The following FHIT variants were observed in gnomAD, a reference collection of about 807,000 sequenced individuals.
FHIT encodes bis(5'-adenosyl)-triphosphatase.
Under a neutral mutation model 17.9 loss-of-function variants are expected in FHIT, and 19 were observed. That is an observed-to-expected ratio of 1.06 (90% confidence interval 0.74 to 1.56). The LOEUF (loss-of-function observed/expected upper bound fraction) is 1.56. Among genes scored for constraint, FHIT ranks in the 40% most tolerant of loss-of-function variants. The pLI, the probability that FHIT is intolerant of heterozygous loss-of-function variation, is 0.00. For missense variants in FHIT, 248 were observed against 189.2 expected (o/e 1.31, Z -1.82); for synonymous variants, 81 against 69.7 (o/e 1.16, Z -0.81).
At chr3:60,406,044 A>G (rs544461494) in intron 5 of FHIT, among the ~76,000 whole-genome samples, 4 of 152,346 alleles carry the variant, frequency 2.6e-5, no homozygotes, top group African/African-American at 9.6e-5. Flanking sequence ...AGATATTTGT[A>G]GTAATCATTA....
At chr3:61,071,029 C>T (rs1264929027) in intron 2 of FHIT, among the ~76,000 whole-genome samples, 1 of 152,078 alleles carries the variant, frequency 6.6e-6, no homozygotes, top group African/African-American at 2.4e-5. Flanking sequence ...GATACAAAGT[C>T]AAATATGATT....
intron 8 of FHIT, among the ~76,000 whole-genome samples, chr3:59,889,494 C>T (rs1051134928): frequency 6.6e-6 from 1 of 152,138 alleles, no homozygotes; most frequent in Non-Finnish European, 1.5e-5. Flanking sequence ...AAGGTGAGAC[C>T]CTTAGCATGG....
At chr3:59,953,633 A>G (rs1179166838) in intron 7 of FHIT, among the ~76,000 whole-genome samples, 1 of 152,182 alleles carries the variant, frequency 6.6e-6, no homozygotes, top group East Asian at 1.9e-4. Context: ...TGCCATAGAT[A>G]AATTAAGTAC....
At chr3:61,019,828 A>C (rs1018743899) in intron 3 of FHIT, among the ~76,000 whole-genome samples, 25 of 152,130 alleles carry the variant, frequency 1.6e-4, no homozygotes, top group African/African-American at 4.6e-4. Context: ...TGGTAAAAGG[A>C]ATGTCAAGGT....
intron 5 of FHIT, among the ~76,000 whole-genome samples, chr3:60,457,069 G>A (rs1300000998): frequency 6.6e-6 from 1 of 152,074 alleles, no homozygotes; most frequent in African/African-American, 2.4e-5. Context: ...TCACAGAATT[G>A]GAAAAAACTA....
chr3:59,791,539 G>A (rs539569742), intron 8 of FHIT, among the ~76,000 whole-genome samples: 15 of 152,180 alleles, frequency 9.9e-5, no homozygotes, highest in African/African-American at 2.9e-4. Flanking sequence ...TAATAAACTC[G>A]TTCTCATTCT....
At chr3:60,290,458 C>T (rs565222106) in intron 5 of FHIT, among the ~76,000 whole-genome samples, 14 of 152,084 alleles carry the variant, frequency 9.2e-5, no homozygotes, top group Non-Finnish European at 1.9e-4. Context: ...TATGGAGAGC[C>T]TCATGTGGCA....
intron 5 of FHIT, among the ~76,000 whole-genome samples, chr3:60,174,559 T>C (rs1342155830): frequency 1.3e-5 from 2 of 151,986 alleles, no homozygotes; most frequent in Non-Finnish European, 2.9e-5. Context: ...AGAGAGAAAA[T>C]ATAATTTGGC....
intron 7 of FHIT, among the ~76,000 whole-genome samples, chr3:60,005,575 G>GT (rs1699893847): frequency 6.6e-6 from 1 of 152,184 alleles, no homozygotes; most frequent in Non-Finnish European, 1.5e-5. Flanking sequence ...GAGCACTGCA[G>GT]TTGTCTTTGG....
chr3:60,672,159 T>C (rs1328669131), intron 4 of FHIT, among the ~76,000 whole-genome samples: 6 of 152,226 alleles, frequency 3.9e-5, no homozygotes, highest in Admixed American at 1.3e-4. Flanking sequence ...AAAGTGCATA[T>C]GTTGTAGTCA....
At chr3:59,812,082 TTTGA>T (rs1346688946) in intron 8 of FHIT, among the ~76,000 whole-genome samples, 1 of 152,114 alleles carries the variant, frequency 6.6e-6, no homozygotes. Flanking sequence ...TTGGCACAGT[TTTGA>T]TTGTCATAAC....
At chr3:60,980,871 A>T (rs1710464129) in intron 3 of FHIT, among the ~76,000 whole-genome samples, 1 of 152,088 alleles carries the variant, frequency 6.6e-6, no homozygotes, top group South Asian at 2.1e-4. Context: ...GCATACTACA[A>T]ATACCTGTTT....
At chr3:61,124,871 T>C (rs2036564095) in intron 2 of FHIT, among the ~76,000 whole-genome samples, 1 of 152,204 alleles carries the variant, frequency 6.6e-6, no homozygotes, top group Admixed American at 6.5e-5. Context: ...CATCTGCTAG[T>C]GTTTTCCATT....
rs186846543 is a variant in FHIT, at chr3:60,354,780, A to G, written c.103+182080T>C. 2.2e-3 allele frequency among the ~76,000 whole-genome samples: 342 copies of G among 152,198 alleles called. 1 individual carries two copies. Among genetic ancestry groups the G allele is most frequent in the Non-Finnish European group, 1.2e-3 (81 of 67,986 alleles). On this transcript the variant is annotated intron_variant, in intron 5 of 9. Coordinates refer to ENST00000492590, the MANE Select transcript of FHIT (RefSeq NM_002012.4). ...TTCTGCTTAACTCTACTAAATATAA[A>G]CCATTATCTTAGGGAATCAGTAGTA...
intron 2 of FHIT, among the ~76,000 whole-genome samples, chr3:61,084,396 T>A (rs555454098): frequency 6.6e-6 from 1 of 152,352 alleles, no homozygotes; most frequent in Non-Finnish European, 1.5e-5. Flanking sequence ...TTCAGAATTA[T>A]CTTGCCTATT....
chr3:60,690,770 T>C (rs2040968898), intron 4 of FHIT: 1 of 356,846 alleles, frequency 2.8e-6, no homozygotes, highest in African/African-American at 2.1e-5. Flanking sequence ...AAGTCTCTGT[T>C]ACTGAATTCT....
intron 5 of FHIT, among the ~76,000 whole-genome samples, chr3:60,396,724 C>A (rs1251335151): frequency 1.3e-5 from 2 of 152,090 alleles, no homozygotes; most frequent in Non-Finnish European, 2.9e-5. Flanking sequence ...AAGGTGGTAG[C>A]TGCACAACAT....
intron 8 of FHIT, among the ~76,000 whole-genome samples, chr3:59,852,886 C>T (rs1701999179): frequency 6.6e-6 from 1 of 151,832 alleles, no homozygotes; most frequent in African/African-American, 2.4e-5. Context: ...AATCAGAAAC[C>T]CTTGTTGGGA....
rs113883601 is a variant in FHIT at position 60,146,503 on chromosome 3, G to C, written c.104-132351C>G. On this transcript the variant is annotated intron_variant, in intron 5 of 9. Transcript: ENST00000492590. ...ACAGATTTACTCAAAGATGACTGCA[G>C]AGGAATGTTCTCAGAGGGCTCTAAA... Among the ~76,000 whole-genome samples the C allele has an allele frequency of 2.5e-3, 377 of 152,200 alleles. 2 individuals carry two copies. Among genetic ancestry groups the C allele is most frequent in the African/African-American group, 8.6e-3 (358 of 41,540 alleles).
Sources: gnomAD v4.1 joint callset for allele counts (sites outside exome capture counted in the v4.1 genomes callset) on GRCh38, gnomAD v4.1.1 for gene constraint, MANE v1.5 for transcripts, NCBI Gene and HGNC (gene_info 2026-07-23, HGNC 2026-07-21) for gene names.